The following MYO5B variants were observed in gnomAD, a reference collection of about 807,000 sequenced individuals.
The protein encoded by MYO5B is unconventional myosin-Vb.
In MYO5B, 143 loss-of-function variants were observed where a neutral mutation model predicts 229.3. The observed-to-expected ratio is 0.62, with a 90% confidence interval of 0.54 to 0.72. The LOEUF (loss-of-function observed/expected upper bound fraction) is 0.72, where lower values mean the gene tolerates loss of function less well. MYO5B is among the 30% of genes least tolerant of loss of function. The pLI, the probability that MYO5B is intolerant of heterozygous loss-of-function variation, is 0.00. For synonymous variants in MYO5B, 918 were observed against 885.2 expected (o/e 1.04, Z -0.66); for missense variants, 2,321 against 2,331.0 (o/e 1.00, Z 0.09).
rs1004428128 is a variant in MYO5B, at chr18:50,004,049, T to G, written c.456-2638A>C. Among the ~76,000 whole-genome samples the G allele has an allele frequency of 2.0e-5, 3 of 152,250 alleles. No individual in the cohort carries two copies. In the East Asian group the frequency reaches 5.8e-4, roughly 29 times the overall value. On this transcript the variant is annotated intron_variant, in intron 4 of 39. Transcript: ENST00000285039. The stretch of plus-strand genomic sequence containing the variant: ...CACACACCAGCGATGCTTGTCACTG[T>G]TCACCTACGGCATCAATAAGGGAAT...
rs117827482 is a variant in MYO5B, at chr18:49,909,148, C to T, written c.2203-2518G>A. Among the ~76,000 whole-genome samples the T allele has an allele frequency of 6.1e-3, 932 of 152,316 alleles. 4 individuals are homozygous for T. The highest frequency in any genetic ancestry group is 1.0e-2 in the Non-Finnish European group (679 of 68,034). Reference sequence around the variant, plus strand: ...TGGCATGTGCCCCTCTAAGTTAACACGCAGCTCTGTCAAGTCTTAGTTTCT... The same window carrying T: ...TGGCATGTGCCCCTCTAAGTTAACATGCAGCTCTGTCAAGTCTTAGTTTCT... On this transcript the variant is annotated intron_variant, in intron 18 of 39. Transcript: ENST00000285039.
chr18:49,876,277 T>C (rs2024522091), intron 25 of MYO5B: 1 of 280,168 alleles, frequency 3.6e-6, no homozygotes, highest in Non-Finnish European at 6.9e-6. Flanking sequence ...TGATTGCATC[T>C]TGAAATGGAA....
At chr18:50,187,950 T>C (rs763284651) in intron 1 of MYO5B, among the ~76,000 whole-genome samples, 1 of 152,066 alleles carries the variant, frequency 6.6e-6, no homozygotes, top group Non-Finnish European at 1.5e-5. Flanking sequence ...AAAAAGAACA[T>C]TAGTGAAAAA....
intron 14 of MYO5B, among the ~76,000 whole-genome samples, chr18:49,950,192 G>C (rs556633238): frequency 6.6e-6 from 1 of 152,330 alleles, no homozygotes; most frequent in Admixed American, 6.5e-5. Context: ...AGTGCTGCCA[G>C]CCAACATCAC....
At chr18:49,914,413 T>C (rs1398037379) in intron 17 of MYO5B, among the ~76,000 whole-genome samples, 2 of 152,138 alleles carry the variant, frequency 1.3e-5, no homozygotes, top group Non-Finnish European at 2.9e-5. Flanking sequence ...AGAGAGTAAG[T>C]GGATTGTATC....
Position 49,912,085 on chromosome 18 carries a change from A to C in MYO5B, c.2179T>G (p.Ser727Ala). The C allele has an allele frequency of 6.2e-7, 1 of 1,614,006 alleles. No individual in the cohort carries two copies. Among genetic ancestry groups the C allele is most frequent in the Non-Finnish European group, 8.5e-7 (1 of 1,179,944 alleles). The change falls in exon 18 of 40, where the codon TCT (serine) becomes GCT (alanine). Residue 727 changes from serine (S) to alanine (A), a missense_variant. Coordinates refer to ENST00000285039, the MANE Select transcript of MYO5B (RefSeq NM_001080467.3). ...ACCTTGATGAGGTTCTCCAGGACAG[A>C]CCTGCAGATGGCCTTTTTGTCTGTG... ...ANTDKKAICR[S>A]VLENLIKDPD...
At chr18:50,014,322 G>A (rs2026194345) in intron 4 of MYO5B, among the ~76,000 whole-genome samples, 1 of 146,964 alleles carries the variant, frequency 6.8e-6, no homozygotes, top group Admixed American at 6.8e-5. Context: ...ACTTACAACA[G>A]AAGCTATACA....
At position 49,902,722 on chromosome 18, in the gene MYO5B, G is replaced by A. The variant is rs769423121; in HGVS notation, c.2683C>T (p.Arg895Trp). 4.5e-5 allele frequency: 72 copies of A among 1,610,868 alleles called. No individual in the cohort carries two copies. Among genetic ancestry groups the A allele is most frequent in the Middle Eastern group, 1.7e-4 (1 of 6,058 alleles). ...DAAIVIQCAFRMLKARRELKA... is the reference protein window; with the variant it reads ...DAAIVIQCAFWMLKARRELKA... ...AGCTCCCGCCTGGCCTTGAGCATCC[G>A]GAAGGCACACTGGATGACAATGGCT... The change falls in exon 21 of 40, where the codon CGG (arginine) becomes TGG (tryptophan). Residue 895 changes from arginine (R) to tryptophan (W), a missense_variant. Coordinates refer to ENST00000285039, the MANE Select transcript of MYO5B (RefSeq NM_001080467.3).
chr18:50,164,013 G>A (rs2032807781), intron 1 of MYO5B, among the ~76,000 whole-genome samples: 1 of 152,168 alleles, frequency 6.6e-6, no homozygotes, highest in South Asian at 2.1e-4. Context: ...GTTATCAGAG[G>A]TACAACATTA....
In MYO5B at chr18:49,915,791, G is replaced by A. The variant is rs188726981; in HGVS notation, c.2091-3618C>T. ...CGGAACCCTGGGGAAGAGAGAGCCA[G>A]AGCTGACAAACTGCCCATCAGATGT... On this transcript the variant is annotated intron_variant, in intron 17 of 39. Coordinates refer to ENST00000285039, the MANE Select transcript of MYO5B (RefSeq NM_001080467.3). 3.7e-4 allele frequency among the ~76,000 whole-genome samples: 57 copies of A among 152,368 alleles called. 1 individual carries two copies. In the East Asian group the frequency reaches 9.6e-3, roughly 26 times the overall value.
At chr18:49,884,065 CA>C (rs2024617713) in intron 22 of MYO5B, among the ~76,000 whole-genome samples, 1 of 25,460 alleles carries the variant, frequency 3.9e-5, no homozygotes, top group African/African-American at 1.2e-4. Flanking sequence ...AAGCCAAATA[CA>C]ATGCCAAAAG....
intron 27 of MYO5B, among the ~76,000 whole-genome samples, chr18:49,868,840 A>C (rs1319074412): frequency 6.6e-6 from 1 of 152,134 alleles, no homozygotes; most frequent in Non-Finnish European, 1.5e-5. Context: ...CCTTACCCCA[A>C]ATGGGGGCAC....
Position 49,954,309 on chromosome 18 carries a change from C to A in MYO5B, c.1668+4G>T, listed in dbSNP as rs2144246726. Reference sequence around the variant, plus strand: ...ATACCCGAGCCAACAGAGAGGAGAGCCACCTTGTCTGCAAAGTGGACGATG... The same window carrying A: ...ATACCCGAGCCAACAGAGAGGAGAGACACCTTGTCTGCAAAGTGGACGATG... On this transcript the variant is annotated splice_donor_region_variant and intron_variant, in intron 13 of 39. Coordinates refer to ENST00000285039, the MANE Select transcript of MYO5B (RefSeq NM_001080467.3). 5 of 1,613,838 alleles carry A rather than the reference C, an allele frequency of 3.1e-6. No homozygotes were observed. Among genetic ancestry groups the A allele is most frequent in the Middle Eastern group, 1.7e-4 (1 of 6,060 alleles).
chr18:49,971,855 T>C (rs751565406), intron 10 of MYO5B, among the ~76,000 whole-genome samples: 12 of 152,216 alleles, frequency 7.9e-5, no homozygotes, highest in Non-Finnish European at 1.6e-4. Context: ...ATGGGACTTA[T>C]TTGTCTCAAG....
At chr18:49,914,417 T>G (rs1310050679) in intron 17 of MYO5B, among the ~76,000 whole-genome samples, 1 of 152,060 alleles carries the variant, frequency 6.6e-6, no homozygotes, top group Non-Finnish European at 1.5e-5. Context: ...AGTAAGTGGA[T>G]TGTATCCCTT....
intron 1 of MYO5B, among the ~76,000 whole-genome samples, chr18:50,172,288 C>CAAA (rs55973734): frequency 6.6e-5 from 6 of 90,500 alleles, no homozygotes; most frequent in East Asian, 3.9e-4. Flanking sequence ...CAAAAAAAGA[C>CAAA]AAAAAAAAAA....
At chr18:50,121,762 A>C (rs1393612283) in intron 1 of MYO5B, among the ~76,000 whole-genome samples, 1 of 152,208 alleles carries the variant, frequency 6.6e-6, no homozygotes, top group Non-Finnish European at 1.5e-5. Flanking sequence ...ACTAATGCCC[A>C]ACCACTGCAG....
At chr18:50,191,351 A>T (rs1599092836) in intron 1 of MYO5B, among the ~76,000 whole-genome samples, 1 of 152,174 alleles carries the variant, frequency 6.6e-6, no homozygotes. Flanking sequence ...TTAGGGAAGA[A>T]CTCTAATATT....
intron 1 of MYO5B, among the ~76,000 whole-genome samples, chr18:50,151,657 T>C (rs2144304353): frequency 6.6e-6 from 1 of 152,236 alleles, no homozygotes; most frequent in South Asian, 2.1e-4. Flanking sequence ...CTAGAAAAAG[T>C]ATATATATAC....
Sources: allele counts gnomAD v4.1 joint callset (sites outside exome capture counted in the v4.1 genomes callset), GRCh38; gene constraint gnomAD v4.1.1; transcripts MANE v1.5; gene names NCBI Gene and HGNC (gene_info 2026-07-23, HGNC 2026-07-21).